The following MARCHF4 variants were observed in gnomAD, a reference collection of about 807,000 sequenced individuals.
MARCHF4 encodes the protein E3 ubiquitin-protein ligase MARCHF4.
In MARCHF4, 14 loss-of-function variants were observed where a neutral mutation model predicts 43.9. The ratio of observed to expected loss-of-function variants is 0.32; its 90% confidence interval spans 0.21 to 0.50. The LOEUF is 0.50. Among genes scored for constraint, MARCHF4 ranks in the 20% least tolerant of loss-of-function variants. The pLI, the probability that MARCHF4 is intolerant of heterozygous loss-of-function variation, is 0.98. For missense variants in MARCHF4, 468 were observed against 536.7 expected (o/e 0.87, Z 1.27); for synonymous variants, 226 against 213.3 (o/e 1.06, Z -0.52).
intron 1 of MARCHF4, among the ~76,000 whole-genome samples, chr2:216,314,078 A>G (rs1237300229): frequency 5.9e-5 from 9 of 152,210 alleles, no homozygotes; most frequent in Non-Finnish European, 1.5e-5. Flanking sequence ...TTGTAGTTGT[A>G]TGTTATAATC....
intron 1 of MARCHF4, among the ~76,000 whole-genome samples, chr2:216,362,958 C>A (rs545221144): frequency 2.6e-5 from 4 of 152,104 alleles, no homozygotes; most frequent in Non-Finnish European, 5.9e-5. Flanking sequence ...TCCTTCCCAG[C>A]AAACAAGCAG....
At chr2:216,354,905 TTCTTTC>T (rs1443061944) in intron 1 of MARCHF4, among the ~76,000 whole-genome samples, 2 of 66,858 alleles carry the variant, frequency 3.0e-5, no homozygotes, top group African/African-American at 1.5e-4. Context: ...CTTTCTTTCT[TTCTTTC>T]TTTCTTTCTT....
intron 1 of MARCHF4, among the ~76,000 whole-genome samples, chr2:216,318,999 A>G (rs992190540): frequency 3.3e-5 from 5 of 152,108 alleles, no homozygotes; most frequent in African/African-American, 9.7e-5. Context: ...GGAATATGAA[A>G]TATATTTACC....
chr2:216,330,043 A>G (rs1692061562), intron 1 of MARCHF4, among the ~76,000 whole-genome samples: 1 of 151,882 alleles, frequency 6.6e-6, no homozygotes, highest in South Asian at 2.1e-4. Context: ...GGCTGCAGTG[A>G]GCTCTGATCA....
intron 1 of MARCHF4, among the ~76,000 whole-genome samples, chr2:216,341,068 T>C (rs1367932720): frequency 2.6e-5 from 4 of 152,124 alleles, no homozygotes; most frequent in Admixed American, 2.6e-4. Flanking sequence ...TTACCCTCTC[T>C]GAGTGGCTGG....
chr2:216,261,176 T>C (rs1198014584), intron 3 of MARCHF4, among the ~76,000 whole-genome samples: 2 of 152,188 alleles, frequency 1.3e-5, no homozygotes, highest in Non-Finnish European at 2.9e-5. Flanking sequence ...TGCATGTTTC[T>C]CTTACAGTTC....
intron 1 of MARCHF4, among the ~76,000 whole-genome samples, chr2:216,358,071 G>T (rs1468578644): frequency 1.3e-5 from 2 of 152,188 alleles, no homozygotes. Flanking sequence ...TGATTTTATT[G>T]TATGTTTGTA....
chr2:216,280,348 G>T (rs1338623553), intron 2 of MARCHF4, among the ~76,000 whole-genome samples: 1 of 151,986 alleles, frequency 6.6e-6, no homozygotes, highest in Admixed American at 6.6e-5. Flanking sequence ...AGAGCACAGA[G>T]ACTGAATGCT....
At chr2:216,330,201 T>G (rs923772821) in intron 1 of MARCHF4, among the ~76,000 whole-genome samples, 2 of 152,138 alleles carry the variant, frequency 1.3e-5, no homozygotes, top group South Asian at 4.1e-4. Flanking sequence ...GAGAGATTAA[T>G]GCTGTAATGA....
At chr2:216,277,628 C>T (rs1213779399) in intron 3 of MARCHF4, 44 bp downstream of exon 3, 8 of 1,540,618 alleles carry the variant, frequency 5.2e-6, no homozygotes, top group East Asian at 2.3e-5. Context: ...ATCCCACGAG[C>T]ACATGGTTCC....
chr2:216,356,340 G>A (rs186105735), intron 1 of MARCHF4, among the ~76,000 whole-genome samples: 9 of 152,302 alleles, frequency 5.9e-5, no homozygotes, highest in East Asian at 1.9e-4. Flanking sequence ...GAGGAACTGC[G>A]CGAAGCATGT....
At chr2:216,326,451 C>T (rs2105967243) in intron 1 of MARCHF4, among the ~76,000 whole-genome samples, 1 of 149,928 alleles carries the variant, frequency 6.7e-6, no homozygotes, top group East Asian at 2.0e-4. Flanking sequence ...CCCAGCCATC[C>T]CATTACTGGG....
chr2:216,296,330 A>C (rs1397028339), intron 1 of MARCHF4, among the ~76,000 whole-genome samples: 1 of 152,218 alleles, frequency 6.6e-6, no homozygotes, highest in African/African-American at 2.4e-5. Context: ...TGGGCGACAG[A>C]GCGAGACTCC....
chr2:216,314,239 A>C (rs1032687527), intron 1 of MARCHF4, among the ~76,000 whole-genome samples: 5 of 152,220 alleles, frequency 3.3e-5, no homozygotes, highest in African/African-American at 1.2e-4. Flanking sequence ...TCTTAAAATG[A>C]AAAACAGATA....
Position 216,370,534 on chromosome 2 carries a change from T to G in MARCHF4, c.-274A>C. The G allele has an allele frequency of 2.7e-6, 1 of 367,538 alleles. No homozygotes were observed. The highest frequency in any genetic ancestry group is 4.9e-6 in the Non-Finnish European group (1 of 204,714). 22.8% of individuals were successfully genotyped at this position (367,538 alleles called of 1,614,324 possible). A position where few individuals can be genotyped will look rare whatever the true frequency, so the allele number is the denominator to read the frequency against. ...CCAACCTCCAACTTTGTTCAGTGTG[T>G]CTCCTTTCTGCTTTTGACCTGAGGA... On this transcript the variant is annotated 5_prime_UTR_variant, in exon 1 of 4. Coordinates refer to ENST00000273067, the MANE Select transcript of MARCHF4 (RefSeq NM_020814.3).
chr2:216,337,690 C>T (rs1358575997), intron 1 of MARCHF4, among the ~76,000 whole-genome samples: 1 of 152,192 alleles, frequency 6.6e-6, no homozygotes, highest in Admixed American at 6.5e-5. Context: ...TTCTCATTTT[C>T]CTTGACCTTC....
intron 1 of MARCHF4, among the ~76,000 whole-genome samples, chr2:216,286,619 T>C (rs1167649512): frequency 6.6e-6 from 1 of 152,162 alleles, no homozygotes; most frequent in East Asian, 1.9e-4. Flanking sequence ...TGATTGGGTA[T>C]TTGCTGTGGG....
intron 1 of MARCHF4, among the ~76,000 whole-genome samples, chr2:216,340,893 G>T (rs1206272616): frequency 6.6e-6 from 1 of 152,188 alleles, no homozygotes; most frequent in Non-Finnish European, 1.5e-5. Context: ...GCCCAGAGAA[G>T]TGAGGCACCT....
intron 1 of MARCHF4, among the ~76,000 whole-genome samples, chr2:216,333,851 A>G (rs1692117633): frequency 6.6e-6 from 1 of 152,170 alleles, no homozygotes; most frequent in Non-Finnish European, 1.5e-5. Flanking sequence ...GCCTGGAGCC[A>G]CCGTGGCGTA....
Sources: allele counts gnomAD v4.1 joint callset (sites outside exome capture counted in the v4.1 genomes callset), GRCh38; gene constraint gnomAD v4.1.1; transcripts MANE v1.5; gene names NCBI Gene and HGNC (gene_info 2026-07-23, HGNC 2026-07-21).